Variants in GRAMD4 observed in about 807,000 individuals in gnomAD.
The protein encoded by GRAMD4 is GRAM domain-containing protein 4.
Under a neutral mutation model 83.9 loss-of-function variants are expected in GRAMD4, and 25 were observed. The ratio of observed to expected loss-of-function variants is 0.30; its 90% CI spans 0.22 to 0.42. The LOEUF is 0.42. GRAMD4 is among the 10% of genes least tolerant of loss of function. The pLI, the probability that GRAMD4 is intolerant of heterozygous loss-of-function variation, is 1.00. For missense variants in GRAMD4, 593 were observed against 788.7 expected (o/e 0.75, Z 2.97); for synonymous variants, 336 against 320.9 (o/e 1.05, Z -0.50).
intron 1 of GRAMD4, among the ~76,000 whole-genome samples, chr22:46,597,679 C>T (rs867445363): frequency 6.6e-6 from 1 of 151,804 alleles, no homozygotes; most frequent in African/African-American, 2.4e-5. Context: ...TTAGTAGAGA[C>T]GGGGTTTCAC....
chr22:46,601,627 C>A (rs2081313264), intron 1 of GRAMD4, among the ~76,000 whole-genome samples: 1 of 151,970 alleles, frequency 6.6e-6, no homozygotes, highest in Non-Finnish European at 1.5e-5. Context: ...GAAACCCCAT[C>A]TCTACTAAAA....
rs371893135 is a variant in GRAMD4, at chr22:46,577,897, G to A, written c.-50+607G>A. On this transcript the variant is annotated intron_variant, in intron 1 of 1. Coordinates refer to the GRAMD4 transcript ENST00000431155. ...GCCCGTGCGCCTGCCAGAACGTGGG[G>A]TGCAGTGTGGCAACCCCGGCCCGAG... Among the ~76,000 whole-genome samples, 546 of 152,342 alleles carry A rather than the reference G, an allele frequency of 3.6e-3. 2 individuals are homozygous for A. Among genetic ancestry groups the A allele is most frequent in the African/African-American group, 0.013 (521 of 41,584 alleles).
At chr22:46,627,006 C>G in intron 2 of GRAMD4, 45 bp downstream of exon 2, 2 of 1,427,118 alleles carry the variant, frequency 1.4e-6, no homozygotes, top group East Asian at 2.3e-5. Flanking sequence ...GGGTGTCGTC[C>G]CCGTCCTCTG....
intron 2 of GRAMD4, among the ~76,000 whole-genome samples, chr22:46,630,519 C>T (rs1569273382): frequency 6.6e-6 from 1 of 152,230 alleles, no homozygotes; most frequent in African/African-American, 2.4e-5. Context: ...GCGCCATGCT[C>T]CGTGCCCACC....
chr22:46,672,797 TAGCTGCAG>T lies in GRAMD4; in HGVS notation c.1085-41_1085-34del. 6.6e-7 allele frequency: 1 copy of T among 1,520,238 alleles called. No homozygotes were observed. Among genetic ancestry groups the T allele is most frequent in the Non-Finnish European group, 9.0e-7 (1 of 1,105,020 alleles). The allele number at this position is 1,520,238 out of a possible 1,614,324, so 94.2% of individuals were successfully genotyped here. A position where few individuals can be genotyped will look rare whatever the true frequency, so the allele number is the denominator to read the frequency against. ...AACCATCACCCTGAGTAGACTGGCA[TAGCTGCAG>T]AGCTCTAGATGGAGCAGGCTGTGTC... On this transcript the variant is annotated intron_variant, in intron 13 of 18. Coordinates refer to ENST00000406902, the MANE Select transcript of GRAMD4 (RefSeq NM_015124.5). This position sits in a 1 kb window ranked among gnomAD's most constrained non-coding sequence, Gnocchi z 4.7.
At chr22:46,641,876 G>C (rs2081979684) in intron 3 of GRAMD4, among the ~76,000 whole-genome samples, 1 of 152,226 alleles carries the variant, frequency 6.6e-6, no homozygotes, top group Non-Finnish European at 1.5e-5. Flanking sequence ...CTGCCGTTTG[G>C]CTCCGCCAAG....
intron 3 of GRAMD4, among the ~76,000 whole-genome samples, chr22:46,651,417 T>A (rs2082163882): frequency 6.6e-6 from 1 of 152,238 alleles, no homozygotes; most frequent in African/African-American, 2.4e-5. Context: ...GTGGCTTCTC[T>A]GCTGCTGCAG....
At chr22:46,653,846 C>T (rs1400394742) in intron 3 of GRAMD4, among the ~76,000 whole-genome samples, 1 of 152,160 alleles carries the variant, frequency 6.6e-6, no homozygotes, top group Non-Finnish European at 1.5e-5. Flanking sequence ...CCTACTCCGC[C>T]CAAGAGGCCT....
intron 13 of GRAMD4, chr22:46,671,172 G>A (rs946451680): frequency 1.6e-5 from 7 of 446,750 alleles, no homozygotes; most frequent in African/African-American, 1.4e-4. Flanking sequence ...CCACGTGGAG[G>A]AGGCCTGGGA....
At position 46,635,509 on chromosome 22, in the gene GRAMD4, C is replaced by T. The variant is rs1484255869; in HGVS notation, c.163-2331C>T. Among the ~76,000 whole-genome samples the T allele has an allele frequency of 2.1e-3, 116 of 55,020 alleles. 2 individuals are homozygous for T. Among genetic ancestry groups the T allele is most frequent in the African/African-American group, 5.3e-3 (42 of 7,930 alleles). 36.1% of individuals were successfully genotyped at this position (55,020 alleles called of 152,430 possible). On this transcript the variant is annotated intron_variant, in intron 2 of 18. Transcript: ENST00000406902. Reference sequence around the variant, plus strand: ...CACTCCTGTCCTGGGAGGCCCTATCCTCCCTGCCCCCGCCCCCGGCCACTC... The same window carrying T: ...CACTCCTGTCCTGGGAGGCCCTATCTTCCCTGCCCCCGCCCCCGGCCACTC...
intron 2 of GRAMD4, among the ~76,000 whole-genome samples, chr22:46,627,267 G>T (rs1006859045): frequency 6.6e-6 from 1 of 152,254 alleles, no homozygotes; most frequent in African/African-American, 2.4e-5. Flanking sequence ...CTGGCCCTGG[G>T]AGCGTTGACA....
At chr22:46,669,638 T>C (rs1181269119) in intron 13 of GRAMD4, among the ~76,000 whole-genome samples, 8 of 151,268 alleles carry the variant, frequency 5.3e-5, no homozygotes, top group Admixed American at 2.6e-4. Flanking sequence ...TGCAGTGGCG[T>C]GATCTCGGCT....
intron 1 of GRAMD4, among the ~76,000 whole-genome samples, chr22:46,588,863 T>C (rs1334639542): frequency 6.6e-6 from 1 of 152,080 alleles, no homozygotes; most frequent in Non-Finnish European, 1.5e-5. Flanking sequence ...TCTCAGGTCC[T>C]GTCATAGCTG....
intron 3 of GRAMD4, among the ~76,000 whole-genome samples, chr22:46,647,155 T>C (rs2082083756): frequency 2.0e-5 from 3 of 152,132 alleles, no homozygotes; most frequent in Admixed American, 2.0e-4. Context: ...TAGAGTGACA[T>C]GTTTAATAAG....
In GRAMD4 at chr22:46,663,225, G is replaced by A. The variant is rs2082356347; in HGVS notation, c.599+53G>A. 2.6e-6 allele frequency: 4 copies of A among 1,551,354 alleles called. No individual in the cohort carries two copies. The Admixed American group carries it at 7.0e-5, about 27-fold the overall frequency. On this transcript the variant is annotated intron_variant, in intron 6 of 18. Transcript: ENST00000406902. ...TGTGCGTTAGGGGCCCCGGTCCCTG[G>A]GCTGAGGCTGCAGCGGGTGGGCCAT... is the stretch of plus-strand genomic sequence containing the variant.
At chr22:46,590,160 C>T (rs2147001628) in intron 1 of GRAMD4, among the ~76,000 whole-genome samples, 1 of 152,360 alleles carries the variant, frequency 6.6e-6, no homozygotes, top group African/African-American at 2.4e-5. Flanking sequence ...CCCACATCTA[C>T]ACCAGCTACT....
At chr22:46,664,570 T>C (rs2147358915) in intron 8 of GRAMD4, among the ~76,000 whole-genome samples, 1 of 152,294 alleles carries the variant, frequency 6.6e-6, no homozygotes, top group South Asian at 2.1e-4. Context: ...AGGGCCCACA[T>C]TGCCAGGGCC....
At position 46,677,491 on chromosome 22, in the gene GRAMD4, C is replaced by T. The variant is rs774477086; in HGVS notation, c.*240C>T. On this transcript the variant is annotated 3_prime_UTR_variant, in exon 19 of 19. Transcript: ENST00000406902. ...ACGTCAGGTGCCTCTGAGGGCCACCCGCAGACTGGGGGAGGGGGCAGAGGC... is the reference window on the plus strand; with the variant it reads ...ACGTCAGGTGCCTCTGAGGGCCACCTGCAGACTGGGGGAGGGGGCAGAGGC... 75 of 1,281,254 alleles carry T rather than the reference C, an allele frequency of 5.9e-5. No individual in the cohort carries two copies. Among genetic ancestry groups the T allele is most frequent in the East Asian group, 1.2e-4 (4 of 32,530 alleles). 79.4% of individuals were successfully genotyped at this position (1,281,254 alleles called of 1,614,324 possible). A position where few individuals can be genotyped will look rare whatever the true frequency, so the allele number is the denominator to read the frequency against.
chr22:46,578,998 T>G (rs969431675), intron 1 of GRAMD4, among the ~76,000 whole-genome samples: 7 of 152,224 alleles, frequency 4.6e-5, no homozygotes, highest in African/African-American at 1.2e-4. Flanking sequence ...TCTGCTGCTC[T>G]TTCCTCTCAG....
Sources: gnomAD v4.1 joint callset for allele counts (sites outside exome capture counted in the v4.1 genomes callset) on GRCh38, gnomAD v4.1.1 for gene constraint, Gnocchi (gnomAD v3.1) non-coding constraint, MANE v1.5 for transcripts, NCBI Gene and HGNC (gene_info 2026-07-23, HGNC 2026-07-21) for gene names.